Variants in FBXO28 observed in about 807,000 individuals in gnomAD.
The protein encoded by FBXO28 is F-box only protein 28.
FBXO28 carries 8 observed loss-of-function variants against 38.1 expected under a neutral mutation model. The observed-to-expected ratio is 0.21, with a 90% confidence interval of 0.12 to 0.38. The LOEUF (loss-of-function observed/expected upper bound fraction) is 0.38. Ranked by LOEUF, FBXO28 falls within the 10% of genes least tolerant of loss-of-function variation. The pLI is 1.00. For missense variants in FBXO28, 345 were observed against 460.6 expected, an observed-to-expected ratio of 0.75 and a Z score of 2.30; for synonymous variants, 168 against 173.8, an observed-to-expected ratio of 0.97 and a Z score of 0.26.
chr1:224,119,720 C>T (rs1352802496), intron 1 of FBXO28, among the ~76,000 whole-genome samples: 1 of 151,954 alleles, frequency 6.6e-6, no homozygotes, highest in African/African-American at 2.4e-5. Context: ...GGAAAGACCT[C>T]CTCAAGATAA....
intron 1 of FBXO28, among the ~76,000 whole-genome samples, chr1:224,115,204 G>A (rs1346939474): frequency 1.3e-5 from 2 of 152,164 alleles, no homozygotes; most frequent in Admixed American, 6.5e-5. Flanking sequence ...TAATGAATTT[G>A]CCATTGGGGT....
At chr1:224,123,753 A>G (rs114605190) in intron 1 of FBXO28, among the ~76,000 whole-genome samples, 2 of 152,322 alleles carry the variant, frequency 1.3e-5, no homozygotes, top group Non-Finnish European at 2.9e-5. Context: ...TCAAATGTTT[A>G]AAAATGTGCA....
intron 3 of FBXO28, among the ~76,000 whole-genome samples, chr1:224,149,963 G>C (rs1260238903): frequency 6.6e-6 from 1 of 152,226 alleles, no homozygotes; most frequent in Non-Finnish European, 1.5e-5. Flanking sequence ...ACTTGATTTA[G>C]TTCAAAGGGC....
chr1:224,155,675 C>T (rs1410626912), intron 4 of FBXO28, among the ~76,000 whole-genome samples: 1 of 152,168 alleles, frequency 6.6e-6, no homozygotes, highest in East Asian at 1.9e-4. Flanking sequence ...GATTAGTTAG[C>T]TCCCTGTAGT....
chr1:224,114,252 G>C lies in FBXO28; in HGVS notation c.123G>C (p.Pro41=). Residue 41 remains proline (P), a synonymous_variant, in exon 1 of 5, where the codon CCG becomes CCC. Coordinates refer to ENST00000366862, the MANE Select transcript of FBXO28 (RefSeq NM_015176.4). The part of the protein sequence containing the change: ...RQPPPPAPQH[P]QPGSQALPAP... ...CTCCACCGCCCGCGCCACAGCACCC[G>C]CAGCCGGGGTCCCAGGCGCTCCCAG... 1 of 1,554,208 alleles carries C rather than the reference G, an allele frequency of 6.4e-7. No homozygotes were observed. Among genetic ancestry groups the C allele is most frequent in the Non-Finnish European group, 8.7e-7 (1 of 1,149,112 alleles).
At chr1:224,142,821 C>G (rs983917704) in intron 3 of FBXO28, among the ~76,000 whole-genome samples, 1 of 152,092 alleles carries the variant, frequency 6.6e-6, no homozygotes, top group Non-Finnish European at 1.5e-5. Context: ...TGGTGCGTGC[C>G]TGTAATCCCA....
At chr1:224,127,905 A>AAAAC (rs202086567) in intron 1 of FBXO28, among the ~76,000 whole-genome samples, 5 of 152,194 alleles carry the variant, frequency 3.3e-5, no homozygotes, top group Non-Finnish European at 7.3e-5. Flanking sequence ...ACTCTGTCTG[A>AAAAC]AAACAAACAA....
chr1:224,135,368 T>G (rs772614430), intron 3 of FBXO28, among the ~76,000 whole-genome samples: 2 of 152,168 alleles, frequency 1.3e-5, no homozygotes, highest in Non-Finnish European at 2.9e-5. Context: ...ACAGTTATCA[T>G]AACTTCAAAG....
intron 3 of FBXO28, among the ~76,000 whole-genome samples, chr1:224,139,001 C>T (rs563691713): frequency 2.2e-4 from 33 of 151,666 alleles, no homozygotes; most frequent in East Asian, 7.8e-4. Context: ...GCCAGGATGG[C>T]CTCAATCTCC....
chr1:224,129,616 A>G (rs1656988800), intron 1 of FBXO28, among the ~76,000 whole-genome samples: 1 of 152,212 alleles, frequency 6.6e-6, no homozygotes, highest in African/African-American at 2.4e-5. Context: ...TACATTCAGA[A>G]TGTCCAACAA....
At chr1:224,146,091 G>C (rs915176230) in intron 3 of FBXO28, among the ~76,000 whole-genome samples, 1 of 150,690 alleles carries the variant, frequency 6.6e-6, no homozygotes, top group Admixed American at 6.6e-5. Context: ...AAAATTATCC[G>C]GGCGTGGTGG....
intron 2 of FBXO28, among the ~76,000 whole-genome samples, chr1:224,132,763 C>T (rs1657082238): frequency 6.6e-6 from 1 of 151,070 alleles, no homozygotes; most frequent in African/African-American, 2.4e-5. Context: ...CAAGATCGTG[C>T]CATTGTGCTG....
intron 3 of FBXO28, among the ~76,000 whole-genome samples, chr1:224,134,533 C>T (rs1657130843): frequency 6.6e-6 from 1 of 152,140 alleles, no homozygotes; most frequent in East Asian, 1.9e-4. Flanking sequence ...CATATTGTCC[C>T]TGCCTTCAAG....
At chr1:224,139,890 G>C (rs1290958458) in intron 3 of FBXO28, among the ~76,000 whole-genome samples, 1 of 151,926 alleles carries the variant, frequency 6.6e-6, no homozygotes, top group Non-Finnish European at 1.5e-5. Context: ...CCAGGAGTTC[G>C]AGACCAACCT....
intron 2 of FBXO28, among the ~76,000 whole-genome samples, 190 bp from the exon 3 acceptor site, chr1:224,133,884 G>C (rs973365137): frequency 6.6e-6 from 1 of 151,824 alleles, no homozygotes; most frequent in African/African-American, 2.4e-5. Context: ...TTGTCAATGA[G>C]TACCAGTCTT....
chr1:224,152,008 C>T (rs1167054857), intron 3 of FBXO28, among the ~76,000 whole-genome samples: 1 of 151,166 alleles, frequency 6.6e-6, no homozygotes, highest in African/African-American at 2.4e-5. Context: ...TGCCACTGCA[C>T]TCCAGCCTGG....
At chr1:224,127,912 A>G (rs2102614960) in intron 1 of FBXO28, among the ~76,000 whole-genome samples, 1 of 152,346 alleles carries the variant, frequency 6.6e-6, no homozygotes, top group Non-Finnish European at 1.5e-5. Context: ...CTGAAAACAA[A>G]CAAACAAACA....
Position 224,157,456 on chromosome 1 carries a change from G to T in FBXO28, c.817G>T (p.Ala273Ser). 6.2e-7 allele frequency: 1 copy of T among 1,614,234 alleles called. No homozygotes were observed. Among genetic ancestry groups the T allele is most frequent in the Non-Finnish European group, 8.5e-7 (1 of 1,180,046 alleles). The change falls in exon 5 of 5, where the codon GCT becomes TCT. Residue 273 changes from alanine (A) to serine (S), a missense_variant. Ala to Ser is a moderately conservative substitution (Grantham distance 99). Coordinates refer to ENST00000366862, the MANE Select transcript of FBXO28 (RefSeq NM_015176.4). ...CCAGCAGCAGGTTAAAACAAATGGTGCTGGCGTGACTGTTCTCAGGCGTGA... is the reference window on the plus strand; with the variant it reads ...CCAGCAGCAGGTTAAAACAAATGGTTCTGGCGTGACTGTTCTCAGGCGTGA... ...KLQQQVKTNG[A>S]GVTVLRREIS...
Position 224,157,542 on chromosome 1 carries a change from G to A in FBXO28, c.903G>A (p.Gln301=). The change falls in exon 5 of 5, where the codon CAG becomes CAA. Residue 301 remains glutamine (Q), a synonymous_variant. Coordinates refer to ENST00000366862, the MANE Select transcript of FBXO28 (RefSeq NM_015176.4). The part of the protein sequence containing the change: ...EQQKQLQDQD[Q]KLLEQTQIIG... ...AAAAACAGCTTCAAGACCAGGACCA[G>A]AAACTGCTAGAGCAGACCCAGATCA... 6.2e-7 allele frequency: 1 copy of A among 1,614,268 alleles called. No individual in the cohort carries two copies. The highest frequency in any genetic ancestry group is 8.5e-7 in the Non-Finnish European group (1 of 1,180,052).
Sources: gnomAD v4.1 joint callset for allele counts (sites outside exome capture counted in the v4.1 genomes callset) on GRCh38, gnomAD v4.1.1 for gene constraint, MANE v1.5 for transcripts, NCBI Gene and HGNC (gene_info 2026-07-23, HGNC 2026-07-21) for gene names.